The following ADCY2 variants were observed in gnomAD, a reference collection of about 807,000 sequenced individuals.
The protein encoded by ADCY2 is adenylate cyclase 2.
In ADCY2, 31 loss-of-function variants were observed where a neutral mutation model predicts 125.2. The ratio of observed to expected loss-of-function variants is 0.25; its 90% CI spans 0.19 to 0.33. ADCY2 has a LOEUF of 0.33. Ranked by LOEUF, ADCY2 falls within the 10% of genes least tolerant of loss-of-function variation. The pLI, the probability that ADCY2 is intolerant of heterozygous loss-of-function variation, is 1.00. For synonymous variants in ADCY2, 512 were observed against 548.4 expected, an observed-to-expected ratio of 0.93 and a Z score of 0.93; for missense variants, 904 against 1,418.2, an observed-to-expected ratio of 0.64 and a Z score of 5.82.
In ADCY2 at chr5:7,791,940, C is replaced by T. The variant is rs567211147; in HGVS notation, c.2628+2140C>T. On this transcript the variant is annotated intron_variant, in intron 20 of 24. Transcript: ENST00000338316. ...AAAGTGCTAGAAACTAGCTGGGAGACGGGGGCCAGGGGGAGAGAGGAACGG... is the reference window on the plus strand; with the variant it reads ...AAAGTGCTAGAAACTAGCTGGGAGATGGGGGCCAGGGGGAGAGAGGAACGG... 6.6e-5 allele frequency among the ~76,000 whole-genome samples: 10 copies of T among 152,024 alleles called. No individual in the cohort carries two copies. The East Asian group carries it at 1.6e-3, about 24-fold the overall frequency.
chr5:7,636,643 A>T (rs2892635), intron 4 of ADCY2, among the ~76,000 whole-genome samples: 31,883 of 152,262 alleles, frequency 0.21, 4,430 homozygotes, highest in Non-Finnish European at 0.31. Context: ...ATGCCAAAGC[A>T]ACAAAAAATT....
chr5:7,825,414 A>G (rs188329030), intron 24 of ADCY2, among the ~76,000 whole-genome samples: 1 of 152,352 alleles, frequency 6.6e-6, no homozygotes, highest in African/African-American at 2.4e-5. Flanking sequence ...GTGCCATAAC[A>G]CTGCTATGTG....
At chr5:7,558,667 G>A (rs1735612863) in intron 3 of ADCY2, among the ~76,000 whole-genome samples, 2 of 152,056 alleles carry the variant, frequency 1.3e-5, no homozygotes, top group Non-Finnish European at 1.5e-5. Context: ...CTTCTGCTAT[G>A]GAAAAGCTTT....
At chr5:7,739,188 T>G (rs1742339989) in intron 14 of ADCY2, among the ~76,000 whole-genome samples, 1 of 151,754 alleles carries the variant, frequency 6.6e-6, no homozygotes, top group Non-Finnish European at 1.5e-5. Context: ...AATTTGAAAA[T>G]ACAGAAACAA....
chr5:7,425,830 T>C (rs1387209499), intron 2 of ADCY2, among the ~76,000 whole-genome samples: 1 of 152,228 alleles, frequency 6.6e-6, no homozygotes, highest in Non-Finnish European at 1.5e-5. Flanking sequence ...TTTTTCTTGC[T>C]CTCTACATTT....
chr5:7,646,794 A>G (rs779143441), intron 4 of ADCY2, among the ~76,000 whole-genome samples: 2 of 152,232 alleles, frequency 1.3e-5, no homozygotes, highest in Admixed American at 6.5e-5. Flanking sequence ...TTCACATTCC[A>G]TAAAATGATC....
chr5:7,617,424 G>T (rs1296235076), intron 3 of ADCY2, among the ~76,000 whole-genome samples: 1 of 152,176 alleles, frequency 6.6e-6, no homozygotes, highest in Non-Finnish European at 1.5e-5. Context: ...GAAATGTGAG[G>T]AAATAAATGT....
intron 3 of ADCY2, among the ~76,000 whole-genome samples, chr5:7,579,951 A>T (rs2126610773): frequency 6.6e-6 from 1 of 152,352 alleles, no homozygotes; most frequent in South Asian, 2.1e-4. Context: ...GAACAAAATC[A>T]TGTGTTTTGC....
chr5:7,790,877 C>T (rs1036040195), intron 20 of ADCY2, among the ~76,000 whole-genome samples: 15 of 152,118 alleles, frequency 9.9e-5, no homozygotes, highest in African/African-American at 3.4e-4. Context: ...TCATTGAAAC[C>T]ACATTTTCCA....
At chr5:7,578,964 T>C (rs1736338158) in intron 3 of ADCY2, among the ~76,000 whole-genome samples, 1 of 152,194 alleles carries the variant, frequency 6.6e-6, no homozygotes, top group African/African-American at 2.4e-5. Context: ...CGTAAGCCAC[T>C]CAGACATATC....
At chr5:7,517,154 G>C (rs1744280354) in intron 2 of ADCY2, among the ~76,000 whole-genome samples, 1 of 152,176 alleles carries the variant, frequency 6.6e-6, no homozygotes, top group Admixed American at 6.5e-5. Context: ...TGCGGAGCTG[G>C]AGTTAAGAGA....
intron 4 of ADCY2, among the ~76,000 whole-genome samples, chr5:7,643,672 A>G (rs1034937272): frequency 6.6e-6 from 1 of 151,898 alleles, no homozygotes; most frequent in Non-Finnish European, 1.5e-5. Context: ...TTACTTCCAA[A>G]TCTAAACATA....
At chr5:7,741,818 TCACCATCATCAC>T in intron 14 of ADCY2, among the ~76,000 whole-genome samples, 1 of 150,910 alleles carries the variant, frequency 6.6e-6, no homozygotes, top group East Asian at 2.0e-4. Flanking sequence ...ATCATTACCA[TCACCATCATCAC>T]CATCCTCATC....
At chr5:7,688,432 T>TG (rs1249988777) in intron 4 of ADCY2, among the ~76,000 whole-genome samples, 1 of 116,630 alleles carries the variant, frequency 8.6e-6, no homozygotes. Context: ...CATGCCCAGC[T>TG]AATTTTTTTT....
intron 18 of ADCY2, among the ~76,000 whole-genome samples, chr5:7,781,269 C>T (rs1233794603): frequency 7.9e-5 from 12 of 152,120 alleles, no homozygotes; most frequent in Admixed American, 7.9e-4. Flanking sequence ...AAACAGCTGA[C>T]CTGATTGGTG....
At chr5:7,745,999 G>A (rs1490232541) in intron 15 of ADCY2, among the ~76,000 whole-genome samples, 1 of 152,112 alleles carries the variant, frequency 6.6e-6, no homozygotes, top group African/African-American at 2.4e-5. Context: ...GGAATCCCAC[G>A]CCCTGCTGCC....
chr5:7,798,361 A>G (rs1016242073), intron 20 of ADCY2: 1 of 152,136 alleles, frequency 6.6e-6, no homozygotes, highest in Non-Finnish European at 1.5e-5. Flanking sequence ...GGATGCAGCT[A>G]ATAGGAAGCT....
At chr5:7,636,577 CTG>C (rs1046043689) in intron 4 of ADCY2, among the ~76,000 whole-genome samples, 53 of 152,302 alleles carry the variant, frequency 3.5e-4, no homozygotes, top group African/African-American at 1.3e-3. Flanking sequence ...GGGATGGAAA[CTG>C]TGTCAAACAT....
chr5:7,544,548 G>GCT (rs1735092212), intron 3 of ADCY2, among the ~76,000 whole-genome samples: 1 of 152,164 alleles, frequency 6.6e-6, no homozygotes, highest in Non-Finnish European at 1.5e-5. Context: ...CATCCAGGAT[G>GCT]CTCTCTCCAT....
Sources: gnomAD v4.1 joint callset for allele counts (sites outside exome capture counted in the v4.1 genomes callset) on GRCh38, gnomAD v4.1.1 for gene constraint, MANE v1.5 for transcripts, NCBI Gene and HGNC (gene_info 2026-07-23, HGNC 2026-07-21) for gene names.